The following RBFOX1 variants were observed in gnomAD, a reference collection of about 807,000 sequenced individuals.
RBFOX1 encodes RNA binding protein fox-1 homolog 1.
Under a neutral mutation model 57.7 loss-of-function variants are expected in RBFOX1, and 8 were observed. That is an observed-to-expected ratio of 0.14 (90% CI 0.08 to 0.25). The LOEUF is 0.25. Among genes scored for constraint, RBFOX1 ranks in the 10% least tolerant of loss-of-function variants. RBFOX1 has a pLI of 1.00. For missense variants in RBFOX1, 611 were observed against 548.5 expected, an observed-to-expected ratio of 1.11 and a Z score of -1.14; for synonymous variants, 326 against 222.4, an observed-to-expected ratio of 1.47 and a Z score of -4.15.
chr16:7,282,941 C>G (rs950072317), intron 4 of RBFOX1, among the ~76,000 whole-genome samples: 2 of 152,166 alleles, frequency 1.3e-5, no homozygotes, highest in South Asian at 4.1e-4. Flanking sequence ...AGTAGTCCAT[C>G]ATGTGTGTGT....
At chr16:6,809,932 G>A (rs566822843) in intron 3 of RBFOX1, among the ~76,000 whole-genome samples, 74 of 152,034 alleles carry the variant, frequency 4.9e-4, no homozygotes, top group African/African-American at 1.8e-3. Flanking sequence ...ACCAAGATGA[G>A]CCTACCCGCT....
intron 3 of RBFOX1, among the ~76,000 whole-genome samples, chr16:6,951,622 G>C (rs1213403463): frequency 6.6e-6 from 1 of 152,034 alleles, no homozygotes; most frequent in African/African-American, 2.4e-5. Context: ...TTCTCATGGT[G>C]ATTTCAGGGT....
chr16:7,688,509 A>G (rs780481203), intron 14 of RBFOX1, among the ~76,000 whole-genome samples: 22 of 152,004 alleles, frequency 1.4e-4, no homozygotes, highest in Non-Finnish European at 2.9e-4. Context: ...CTAGCATCTC[A>G]TGTCCCCTCC....
At chr16:5,429,098 C>G (rs774217717) in intron 1 of RBFOX1, among the ~76,000 whole-genome samples, 8 of 152,148 alleles carry the variant, frequency 5.3e-5, no homozygotes, top group Non-Finnish European at 8.8e-5. Flanking sequence ...CAGCCCTGCA[C>G]TGGGTCAGTT....
At chr16:6,573,238 G>T (rs2097370270) in intron 2 of RBFOX1, among the ~76,000 whole-genome samples, 1 of 152,122 alleles carries the variant, frequency 6.6e-6, no homozygotes, top group African/African-American at 2.4e-5. Flanking sequence ...TCAGACGTGG[G>T]TCATGGTGGG....
intron 1 of RBFOX1, among the ~76,000 whole-genome samples, chr16:6,229,572 G>A (rs1280762569): frequency 6.6e-6 from 1 of 152,120 alleles, no homozygotes; most frequent in Admixed American, 6.6e-5. Context: ...AGCTTTTTAT[G>A]CATGTAGAAA....
intron 1 of RBFOX1, among the ~76,000 whole-genome samples, chr16:6,140,376 TG>T (rs1189898243): frequency 2.0e-5 from 3 of 151,958 alleles, no homozygotes; most frequent in African/African-American, 7.3e-5. Context: ...ATATTTTTTT[TG>T]TAGACACGAG....
At chr16:5,398,556 G>A (rs2066627293) in intron 1 of RBFOX1, among the ~76,000 whole-genome samples, 1 of 151,472 alleles carries the variant, frequency 6.6e-6, no homozygotes, top group Non-Finnish European at 1.5e-5. Flanking sequence ...GAGTTCGTGT[G>A]TGCATCTGTA....
intron 4 of RBFOX1, among the ~76,000 whole-genome samples, chr16:7,375,405 G>C (rs55788022): frequency 0.015 from 2,351 of 152,196 alleles, 64 homozygotes; most frequent in African/African-American, 0.054. Flanking sequence ...CCCCATTATG[G>C]TGGTAAGAGT....
intron 3 of RBFOX1, among the ~76,000 whole-genome samples, chr16:6,819,408 T>A (rs2090821984): frequency 6.6e-6 from 1 of 151,966 alleles, no homozygotes; most frequent in Non-Finnish European, 1.5e-5. Context: ...TTGCAAAAGG[T>A]CATCTTCAGA....
chr16:7,228,270 T>C (rs2093277449), intron 4 of RBFOX1, among the ~76,000 whole-genome samples: 1 of 152,200 alleles, frequency 6.6e-6, no homozygotes, highest in Non-Finnish European at 1.5e-5. Flanking sequence ...TGATCAGAGC[T>C]GAGGACTATA....
At chr16:6,615,164 C>G (rs1289399794) in intron 2 of RBFOX1, among the ~76,000 whole-genome samples, 1 of 152,126 alleles carries the variant, frequency 6.6e-6, no homozygotes, top group Non-Finnish European at 1.5e-5. Context: ...TGTGGGTGGC[C>G]TATTTTTCCC....
intron 4 of RBFOX1, among the ~76,000 whole-genome samples, chr16:7,312,494 T>A (rs1040411714): frequency 1.3e-5 from 2 of 152,210 alleles, no homozygotes; most frequent in African/African-American, 4.8e-5. Context: ...CAAATTAACA[T>A]GATTAATACA....
intron 2 of RBFOX1, among the ~76,000 whole-genome samples, chr16:6,351,629 C>T (rs1411393974): frequency 6.6e-6 from 1 of 151,898 alleles, no homozygotes; most frequent in African/African-American, 2.4e-5. Context: ...CCGTCTTGGC[C>T]TCCCAAAATG....
At chr16:6,775,601 C>G (rs1229352749) in intron 3 of RBFOX1, 1 of 152,166 alleles carries the variant, frequency 6.6e-6, no homozygotes, top group East Asian at 1.9e-4. Flanking sequence ...TGACAGTTAT[C>G]TCTCTAATCG....
intron 3 of RBFOX1, among the ~76,000 whole-genome samples, chr16:5,608,214 T>C (rs1162398817): frequency 2.0e-5 from 3 of 152,132 alleles, no homozygotes; most frequent in Non-Finnish European, 2.9e-5. Context: ...GCAAGTGTGG[T>C]TGTTGTTACC....
At chr16:6,970,734 A>G (rs1175092039) in intron 3 of RBFOX1, among the ~76,000 whole-genome samples, 5 of 152,192 alleles carry the variant, frequency 3.3e-5, no homozygotes, top group Non-Finnish European at 7.3e-5. Flanking sequence ...CACCATATGA[A>G]TTTGTGGGGA....
chr16:7,374,255 C>G (rs2097641780), intron 4 of RBFOX1, among the ~76,000 whole-genome samples: 1 of 152,156 alleles, frequency 6.6e-6, no homozygotes, highest in South Asian at 2.1e-4. Context: ...CATTTCTTAT[C>G]TTTTTCTGAG....
intron 3 of RBFOX1, among the ~76,000 whole-genome samples, chr16:6,995,148 A>T (rs141332254): frequency 3.5e-4 from 53 of 152,238 alleles, no homozygotes; most frequent in African/African-American, 1.2e-3. Context: ...TAATATCTCA[A>T]TTCTCTTGTT....
Sources: gnomAD v4.1 joint callset for allele counts (sites outside exome capture counted in the v4.1 genomes callset) on GRCh38, gnomAD v4.1.1 for gene constraint, MANE v1.5 for transcripts, NCBI Gene and HGNC (gene_info 2026-07-23, HGNC 2026-07-21) for gene names.